The following SFRP1 variants were observed in gnomAD, a reference collection of about 807,000 sequenced individuals.
The protein encoded by SFRP1 is secreted frizzled related protein 1.
SFRP1 carries 9 observed loss-of-function variants against 25.9 expected under a neutral mutation model. That is an observed-to-expected ratio of 0.35 (90% CI 0.21 to 0.61). The LOEUF (loss-of-function observed/expected upper bound fraction) is 0.61. Among genes scored for constraint, SFRP1 ranks in the 20% least tolerant of loss-of-function variants. The pLI, the probability that SFRP1 is intolerant of heterozygous loss-of-function variation, is 0.78. For missense variants in SFRP1, 346 were observed against 418.2 expected (o/e 0.83, Z 1.51); for synonymous variants, 178 against 174.0 (o/e 1.02, Z -0.18).
intron 2 of SFRP1, among the ~76,000 whole-genome samples, chr8:41,301,857 G>A (rs1433747338): frequency 2.0e-5 from 3 of 152,154 alleles, no homozygotes; most frequent in Non-Finnish European, 4.4e-5. Context: ...TGTACAGAAC[G>A]CTGGCTGATT....
At chr8:41,281,582 A>G (rs939403949) in intron 2 of SFRP1, among the ~76,000 whole-genome samples, 2 of 152,216 alleles carry the variant, frequency 1.3e-5, no homozygotes, top group Non-Finnish European at 2.9e-5. Flanking sequence ...TGTGGCTCCT[A>G]TCTCTTGTGA....
Position 41,303,537 on chromosome 8 carries a change from G to A in SFRP1, c.546C>T (p.Gly182=). 2 of 1,612,984 alleles carry A rather than the reference G, an allele frequency of 1.2e-6. No homozygotes were observed. The highest frequency in any genetic ancestry group is 1.7e-6 in the Non-Finnish European group (2 of 1,179,002). The change falls in exon 2 of 3, where the codon GGC becomes GGT. Residue 182 remains glycine, a splice_region_variant and synonymous_variant. Transcript: ENST00000220772. ...TGTCACAGGGAGGACACACCGTTGT[G>A]CCTGGGAAAGGAAGTAGGGAGAAAC... ...PNATEASKPQ[G]TTVCPPCDNE...
chr8:41,279,164 G>C (rs574556325), intron 2 of SFRP1, among the ~76,000 whole-genome samples: 2 of 152,228 alleles, frequency 1.3e-5, no homozygotes, highest in South Asian at 4.1e-4. Flanking sequence ...TCAATGACTA[G>C]TGCAATGCCT....
At chr8:41,305,850 C>A (rs188450985) in intron 1 of SFRP1, among the ~76,000 whole-genome samples, 1 of 152,176 alleles carries the variant, frequency 6.6e-6, no homozygotes, top group South Asian at 2.1e-4. Context: ...CACACACAAC[C>A]CCCACAATCT....
At chr8:41,303,412 G>T in intron 2 of SFRP1, 49 bp downstream of exon 2, 2 of 1,390,358 alleles carry the variant, frequency 1.4e-6, no homozygotes, top group South Asian at 1.2e-5. Context: ...CAGAGGCACA[G>T]ACCAGGAGGT....
intron 2 of SFRP1, among the ~76,000 whole-genome samples, chr8:41,279,963 C>CT (rs1563361401): frequency 6.6e-6 from 1 of 152,168 alleles, no homozygotes; most frequent in Admixed American, 6.5e-5. Flanking sequence ...TAGTCTCTTT[C>CT]TTTTTTTCAG....
At chr8:41,266,454 G>A in intron 2 of SFRP1, among the ~76,000 whole-genome samples, 1 of 151,980 alleles carries the variant, frequency 6.6e-6, no homozygotes, top group East Asian at 1.9e-4. Flanking sequence ...TGTCTTTGTG[G>A]AGGCAGGGTC....
chr8:41,265,266 C>T lies in SFRP1; in HGVS notation c.846G>A (p.Thr282=), dbSNP rs768142417. Reference sequence around the variant, plus strand: ...TTTTCTTGTCCCACTTGTGGATGGCCGTCAGCAAGTACTGGCTCTTCACCT... The same window carrying T: ...TTTTCTTGTCCCACTTGTGGATGGCTGTCAGCAAGTACTGGCTCTTCACCT... ...GRKVKSQYLL[T]AIHKWDKKNK... Residue 282 remains threonine, a synonymous_variant, in exon 3 of 3, where the codon ACG becomes ACA. Transcript: ENST00000220772. 4 of 1,614,096 alleles carry T rather than the reference C, an allele frequency of 2.5e-6. No individual in the cohort carries two copies. Among genetic ancestry groups the T allele is most frequent in the South Asian group, 2.2e-5 (2 of 91,076 alleles).
intron 1 of SFRP1, chr8:41,306,837 T>C (rs1473707241): frequency 6.3e-7 from 1 of 1,598,028 alleles, no homozygotes; most frequent in Non-Finnish European, 8.5e-7. Flanking sequence ...AGACAGCGAT[T>C]ATGGGGTTTC....
intron 2 of SFRP1, among the ~76,000 whole-genome samples, chr8:41,284,437 C>T (rs1803673856): frequency 1.3e-5 from 2 of 149,146 alleles, no homozygotes; most frequent in South Asian, 4.2e-4. Flanking sequence ...CACAGCAAAC[C>T]CCACTCATGC....
At position 41,309,219 on chromosome 8, in the gene SFRP1, C is replaced by A. The variant is rs1804040486; in HGVS notation, c.-60G>T. The stretch of plus-strand genomic sequence containing the variant: ...GCTGCCTCCGCCGCCTCCCCGCGCG[C>A]GTCCTGCCGCAAACTTCCAGGGACC... On this transcript the variant is annotated 5_prime_UTR_variant, in exon 1 of 3. Coordinates refer to ENST00000220772, the MANE Select transcript of SFRP1 (RefSeq NM_003012.5). 2 of 1,264,192 alleles carry A rather than the reference C, an allele frequency of 1.6e-6. No individual in the cohort carries two copies. The highest frequency in any genetic ancestry group is 3.1e-5 in the African/African-American group (2 of 64,030). The allele number at this position is 1,264,192 out of a possible 1,614,324, so 78.3% of individuals were successfully genotyped here.
chr8:41,279,282 ACT>A lies in SFRP1; in HGVS notation c.623-13795_623-13794del, dbSNP rs1388038101. Among the ~76,000 whole-genome samples, 5 of 152,084 alleles carry A rather than the reference ACT, an allele frequency of 3.3e-5. No individual in the cohort carries two copies. In the Middle Eastern group the frequency reaches 0.01, roughly 310 times the overall value. Reference sequence around the variant, plus strand: ...TCAAAGACTCACTCGCCAGACTGGAACTCTCTGCACAGAACTCCGCTTCAGCA... The same window carrying A: ...TCAAAGACTCACTCGCCAGACTGGAACTCTGCACAGAACTCCGCTTCAGCA... On this transcript the variant is annotated intron_variant, in intron 2 of 2. Coordinates refer to ENST00000220772, the MANE Select transcript of SFRP1 (RefSeq NM_003012.5).
chr8:41,289,272 T>TGA (rs1803746482), intron 2 of SFRP1, among the ~76,000 whole-genome samples: 1 of 152,140 alleles, frequency 6.6e-6, no homozygotes, highest in Non-Finnish European at 1.5e-5. Flanking sequence ...CACTCACAGA[T>TGA]CACCTATGGT....
rs1388818576 is a variant in SFRP1, at chr8:41,303,548, G to T, written c.545-10C>A. 6.2e-7 allele frequency: 1 copy of T among 1,609,094 alleles called. No homozygotes were observed. The highest frequency in any genetic ancestry group is 2.2e-5 in the East Asian group (1 of 44,878). On this transcript the variant is annotated splice_polypyrimidine_tract_variant and intron_variant, in intron 1 of 2. Coordinates refer to ENST00000220772, the MANE Select transcript of SFRP1 (RefSeq NM_003012.5). The stretch of plus-strand genomic sequence containing the variant: ...GGACACACCGTTGTGCCTGGGAAAG[G>T]AAGTAGGGAGAAACGGAACTGTAAG...
At chr8:41,275,820 C>T (rs1234560888) in intron 2 of SFRP1, among the ~76,000 whole-genome samples, 2 of 152,250 alleles carry the variant, frequency 1.3e-5, no homozygotes, top group Non-Finnish European at 2.9e-5. Context: ...CATCACAGCT[C>T]ACTGCAGCCT....
At chr8:41,267,738 GT>G (rs1170788692) in intron 2 of SFRP1, among the ~76,000 whole-genome samples, 1 of 152,252 alleles carries the variant, frequency 6.6e-6, no homozygotes, top group Non-Finnish European at 1.5e-5. Context: ...AGGGGGTTAA[GT>G]TGGCTTGCCT....
At chr8:41,295,434 C>G (rs1156419084) in intron 2 of SFRP1, among the ~76,000 whole-genome samples, 1 of 151,270 alleles carries the variant, frequency 6.6e-6, no homozygotes, top group South Asian at 2.1e-4. Flanking sequence ...GAGGCCGAGG[C>G]AGAAAAATTC....
At chr8:41,281,121 C>T (rs1317926406) in intron 2 of SFRP1, among the ~76,000 whole-genome samples, 1 of 152,200 alleles carries the variant, frequency 6.6e-6, no homozygotes, top group Admixed American at 6.5e-5. Context: ...CCTTTTCCTG[C>T]CTCTCCTGCC....
intron 2 of SFRP1, among the ~76,000 whole-genome samples, chr8:41,302,340 C>T (rs7832767): frequency 0.1 from 15,651 of 152,212 alleles, 1,149 homozygotes; most frequent in East Asian, 0.26. Flanking sequence ...AGGCATGATT[C>T]CCTCCGACTT....
Sources: allele counts gnomAD v4.1 joint callset (sites outside exome capture counted in the v4.1 genomes callset), GRCh38; gene constraint gnomAD v4.1.1; transcripts MANE v1.5; gene names NCBI Gene and HGNC (gene_info 2026-07-23, HGNC 2026-07-21).